Variants in DOCK4 observed in about 807,000 individuals in gnomAD.
DOCK4 encodes the protein dedicator of cytokinesis protein 4.
Under a neutral mutation model 268.1 loss-of-function variants are expected in DOCK4, and 97 were observed. The observed-to-expected ratio is 0.36, with a 90% CI of 0.31 to 0.43. DOCK4 has a LOEUF of 0.43. Ranked by LOEUF, DOCK4 falls within the 20% of genes least tolerant of loss-of-function variation. DOCK4 has a pLI of 1.00. For synonymous variants in DOCK4, 954 were observed against 887.2 expected (o/e 1.08, Z -1.34); for missense variants, 2,145 against 2,455.7 (o/e 0.87, Z 2.67).
chr7:112,193,286 C>T (rs569443407), intron 1 of DOCK4, among the ~76,000 whole-genome samples: 17 of 152,202 alleles, frequency 1.1e-4, no homozygotes, highest in African/African-American at 3.6e-4. Flanking sequence ...AGTTACTAGT[C>T]GATATCTACC....
chr7:112,183,209 G>A (rs1819206070), intron 1 of DOCK4, among the ~76,000 whole-genome samples: 1 of 152,208 alleles, frequency 6.6e-6, no homozygotes, highest in South Asian at 2.1e-4. Flanking sequence ...GTAGAAAAGG[G>A]AAGGAGAGAA....
intron 28 of DOCK4, among the ~76,000 whole-genome samples, chr7:111,810,408 C>A (rs1199199342): frequency 6.6e-6 from 1 of 151,378 alleles, no homozygotes; most frequent in South Asian, 2.1e-4. Flanking sequence ...GCCGAGATTG[C>A]GCCACTGCAC....
chr7:111,746,806 G>A (rs1563445688), intron 43 of DOCK4, among the ~76,000 whole-genome samples: 2 of 133,616 alleles, frequency 1.5e-5, no homozygotes, highest in African/African-American at 5.6e-5. Flanking sequence ...AAGCAAGATC[G>A]GTCTTATCTT....
At chr7:112,037,342 T>C (rs1015309162) in intron 1 of DOCK4, among the ~76,000 whole-genome samples, 1 of 152,170 alleles carries the variant, frequency 6.6e-6, no homozygotes, top group Non-Finnish European at 1.5e-5. Flanking sequence ...TGTAACTCCA[T>C]TGTCAGTCGA....
rs188130102 is a variant in DOCK4 at position 111,952,535 on chromosome 7, A to G, written c.702-6737T>C. On this transcript the variant is annotated intron_variant, in intron 8 of 52. Transcript: ENST00000428084. ...TATCTTTCTGCATGGATTTATATTTATCACTTTTATAGTTCACCTCACATA... is the reference window on the plus strand; with the variant it reads ...TATCTTTCTGCATGGATTTATATTTGTCACTTTTATAGTTCACCTCACATA... Among the ~76,000 whole-genome samples, 929 of 152,358 alleles carry G rather than the reference A, an allele frequency of 6.1e-3. 12 individuals carry two copies. The highest frequency in any genetic ancestry group is 0.022 in the African/African-American group (895 of 41,582).
chr7:111,830,490 T>C (rs1356593600), intron 26 of DOCK4, among the ~76,000 whole-genome samples: 1 of 152,116 alleles, frequency 6.6e-6, no homozygotes, highest in Non-Finnish European at 1.5e-5. Flanking sequence ...ATTAAATAAA[T>C]GTCCTCTAGC....
At position 111,869,664 on chromosome 7, in the gene DOCK4, C is replaced by G; in HGVS notation, c.2028-9G>C. On this transcript the variant is annotated splice_polypyrimidine_tract_variant and intron_variant, in intron 20 of 52. Coordinates refer to ENST00000428084, the MANE Select transcript of DOCK4 (RefSeq NM_001363540.2). Reference sequence around the variant, plus strand: ...GCACTTTGATGAGATCTCTAAAATACAGGGGAAAATGTGCAGAATGTAAAA... The same window carrying G: ...GCACTTTGATGAGATCTCTAAAATAGAGGGGAAAATGTGCAGAATGTAAAA... The G allele has an allele frequency of 6.2e-7, 1 of 1,611,914 alleles. No homozygotes were observed. The highest frequency in any genetic ancestry group is 1.3e-5 in the African/African-American group (1 of 75,010).
chr7:111,877,209 C>T, intron 16 of DOCK4, 23 bp from the exon 17 acceptor site: 1 of 1,402,858 alleles, frequency 7.1e-7, no homozygotes, highest in East Asian at 2.7e-5. Context: ...TTTAAAAAAA[C>T]ATAAGGGAAG....
intron 23 of DOCK4, among the ~76,000 whole-genome samples, chr7:111,848,415 A>T (rs967930830): frequency 1.3e-5 from 2 of 152,160 alleles, no homozygotes; most frequent in African/African-American, 2.4e-5. Flanking sequence ...TGAAATTCTT[A>T]ACTTTTGAAC....
At position 111,739,547 on chromosome 7, in the gene DOCK4, C is replaced by G; in HGVS notation, c.5041-70G>C. 7 of 1,318,150 alleles carry G rather than the reference C, an allele frequency of 5.3e-6. No homozygotes were observed. The South Asian group carries it at 5.3e-5, about 10-fold the overall frequency. The allele number at this position is 1,318,150 out of a possible 1,614,324, so 81.7% of individuals were successfully genotyped here. ...TCCCACGACACTGACGTATTTGAAACAAAATCATCAACTTTTTTTCAAATT... is the reference window on the plus strand; with the variant it reads ...TCCCACGACACTGACGTATTTGAAAGAAAATCATCAACTTTTTTTCAAATT... On this transcript the variant is annotated intron_variant, in intron 47 of 52. Coordinates refer to ENST00000428084, the MANE Select transcript of DOCK4 (RefSeq NM_001363540.2).
At chr7:111,972,219 T>C (rs1259487204) in intron 8 of DOCK4, among the ~76,000 whole-genome samples, 1 of 152,190 alleles carries the variant, frequency 6.6e-6, no homozygotes, top group Non-Finnish European at 1.5e-5. Flanking sequence ...CTATGGAAAC[T>C]TTCAGACAAA....
intron 27 of DOCK4, 58 bp from the exon 28 acceptor site, chr7:111,812,007 T>C (rs773390754): frequency 1.1e-6 from 1 of 950,742 alleles, no homozygotes; most frequent in African/African-American, 1.7e-5. Flanking sequence ...TCATTTAGTA[T>C]ACAAGAATAA....
chr7:112,003,133 C>CG (rs1800571881), intron 2 of DOCK4, among the ~76,000 whole-genome samples: 1 of 151,622 alleles, frequency 6.6e-6, no homozygotes, highest in South Asian at 2.1e-4. Context: ...GTAATCTGAG[C>CG]ACTCTGGAAG....
At chr7:112,029,214 CA>C (rs1186691736) in intron 1 of DOCK4, among the ~76,000 whole-genome samples, 1 of 152,162 alleles carries the variant, frequency 6.6e-6, no homozygotes, top group African/African-American at 2.4e-5. Flanking sequence ...TGTGCAAGTA[CA>C]GAAAGGCTGG....
intron 3 of DOCK4, 85 bp from the exon 4 acceptor site, chr7:111,998,588 C>T: frequency 1.1e-6 from 1 of 903,662 alleles, no homozygotes; most frequent in Non-Finnish European, 1.6e-6. Flanking sequence ...CACAGCCATA[C>T]AACCATGACA....
intron 1 of DOCK4, among the ~76,000 whole-genome samples, chr7:112,095,898 A>G (rs1317785221): frequency 6.6e-6 from 1 of 152,256 alleles, no homozygotes; most frequent in East Asian, 1.9e-4. Context: ...CCTGACCAAC[A>G]AGGAGAAACC....
At chr7:112,005,819 CTT>C (rs1183519458) in intron 1 of DOCK4, among the ~76,000 whole-genome samples, 2 of 152,180 alleles carry the variant, frequency 1.3e-5, no homozygotes, top group African/African-American at 4.8e-5. Context: ...GCTCTCCTCT[CTT>C]TTTCCTCATC....
intron 1 of DOCK4, among the ~76,000 whole-genome samples, chr7:112,185,531 A>G (rs1819427248): frequency 6.6e-6 from 1 of 152,158 alleles, no homozygotes; most frequent in Non-Finnish European, 1.5e-5. Flanking sequence ...GGATGACTTA[A>G]GCATTCAAGT....
intron 36 of DOCK4, among the ~76,000 whole-genome samples, chr7:111,771,411 C>G (rs1482625767): frequency 6.6e-6 from 1 of 152,178 alleles, no homozygotes; most frequent in Non-Finnish European, 1.5e-5. Flanking sequence ...GACAGTGATG[C>G]CTTCTGTTGC....
Sources: allele counts gnomAD v4.1 joint callset (sites outside exome capture counted in the v4.1 genomes callset), GRCh38; gene constraint gnomAD v4.1.1; transcripts MANE v1.5; gene names NCBI Gene and HGNC (gene_info 2026-07-23, HGNC 2026-07-21).